KLHL32: variants seen among roughly 807,000 people sequenced by gnomAD.
KLHL32 encodes kelch like family member 32.
Under a neutral mutation model 64.8 loss-of-function variants are expected in KLHL32, and 35 were observed. The ratio of observed to expected loss-of-function variants is 0.54; its 90% CI spans 0.41 to 0.72. The LOEUF (loss-of-function observed/expected upper bound fraction) is 0.72. Ranked by LOEUF, KLHL32 falls within the 30% of genes least tolerant of loss-of-function variation. KLHL32 has a pLI of 0.00. For synonymous variants in KLHL32, 259 were observed against 281.0 expected (o/e 0.92, Z 0.78); for missense variants, 589 against 768.5 (o/e 0.77, Z 2.76).
chr6:97,121,393 T>G (rs1293449063), intron 7 of KLHL32, among the ~76,000 whole-genome samples: 2 of 152,204 alleles, frequency 1.3e-5, no homozygotes, highest in Non-Finnish European at 2.9e-5. Flanking sequence ...GGGATTTGTT[T>G]AGAATCAACA....
At chr6:97,015,096 G>T (rs1780974041) in intron 3 of KLHL32, among the ~76,000 whole-genome samples, 1 of 152,060 alleles carries the variant, frequency 6.6e-6, no homozygotes, top group African/African-American at 2.4e-5. Flanking sequence ...GTCCTTGCTT[G>T]CCCCTTGCCT....
intron 3 of KLHL32, among the ~76,000 whole-genome samples, chr6:97,022,490 A>G (rs1054771658): frequency 7.2e-6 from 1 of 139,274 alleles, no homozygotes; most frequent in East Asian, 2.0e-4. Context: ...TTTTTTTGAG[A>G]TGGAGTTTCA....
chr6:97,022,615 G>T (rs554145185), intron 3 of KLHL32, among the ~76,000 whole-genome samples: 1 of 150,038 alleles, frequency 6.7e-6, no homozygotes, highest in South Asian at 2.1e-4. Flanking sequence ...GATTACAGGC[G>T]CCTGCCACCA....
At chr6:96,979,742 G>A (rs1246966109) in intron 3 of KLHL32, among the ~76,000 whole-genome samples, 2 of 152,070 alleles carry the variant, frequency 1.3e-5, no homozygotes, top group Non-Finnish European at 2.9e-5. Context: ...TGTGTACATT[G>A]CTTTAGGCAG....
intron 2 of KLHL32, among the ~76,000 whole-genome samples, chr6:96,969,558 C>G (rs897181182): frequency 6.6e-6 from 1 of 152,160 alleles, no homozygotes; most frequent in African/African-American, 2.4e-5. Context: ...CTAGTGGAGA[C>G]TAGTTCCACA....
chr6:97,126,697 C>G (rs1052243582), intron 7 of KLHL32, among the ~76,000 whole-genome samples: 2 of 152,026 alleles, frequency 1.3e-5, no homozygotes, highest in African/African-American at 4.8e-5. Flanking sequence ...GTCAAATATA[C>G]ACTGGCTTTT....
chr6:97,107,057 C>G (rs775279787), intron 6 of KLHL32, among the ~76,000 whole-genome samples: 5 of 152,060 alleles, frequency 3.3e-5, no homozygotes, highest in Non-Finnish European at 7.4e-5. Context: ...CTTTGGGAGG[C>G]GAAGGCGGGC....
chr6:96,970,590 T>C (rs1238605486), intron 2 of KLHL32, among the ~76,000 whole-genome samples: 6 of 152,216 alleles, frequency 3.9e-5, no homozygotes, highest in Non-Finnish European at 8.8e-5. Context: ...CTACCACATA[T>C]GGTTTGCTCA....
rs189317876 is a variant in KLHL32, at chr6:97,048,634, T to C, written c.312+7035T>C. On this transcript the variant is annotated intron_variant, in intron 4 of 10. Transcript: ENST00000369261. ...TATATAGCCCTGATAATGCAAACAC[T>C]GTGCATTACATTTTGATGATCATTG... Among the ~76,000 whole-genome samples the C allele has an allele frequency of 2.0e-5, 3 of 152,298 alleles. No homozygotes were observed. The East Asian group carries it at 5.8e-4, about 29-fold the overall frequency.
At chr6:96,932,308 C>G (rs1286528511) in intron 1 of KLHL32, among the ~76,000 whole-genome samples, 2 of 150,190 alleles carry the variant, frequency 1.3e-5, no homozygotes, top group Non-Finnish European at 3.0e-5. Flanking sequence ...TTAATTTTGC[C>G]ATAGCTTATC....
intron 1 of KLHL32, among the ~76,000 whole-genome samples, chr6:96,950,800 T>A (rs1385860993): frequency 1.3e-5 from 2 of 152,216 alleles, no homozygotes; most frequent in Non-Finnish European, 2.9e-5. Flanking sequence ...CCATAGACAT[T>A]GATATTAGTA....
the KLHL32 span, among the ~76,000 whole-genome samples, chr6:96,906,017 C>G: frequency 6.6e-6 from 1 of 152,118 alleles, no homozygotes. Context: ...TTCTGGTAGT[C>G]CCACCTTTTG....
At chr6:97,127,883 T>A (rs1228457563) in intron 8 of KLHL32, among the ~76,000 whole-genome samples, 1 of 152,182 alleles carries the variant, frequency 6.6e-6, no homozygotes, top group Non-Finnish European at 1.5e-5. Flanking sequence ...ATCTGAGAGA[T>A]GAGAAGTATC....
chr6:97,069,401 T>C (rs1790342770), intron 5 of KLHL32, among the ~76,000 whole-genome samples: 1 of 83,508 alleles, frequency 1.2e-5, no homozygotes, highest in African/African-American at 7.4e-5. Flanking sequence ...ATTTTGTTCC[T>C]TTTTTTTTTT....
intron 3 of KLHL32, among the ~76,000 whole-genome samples, chr6:96,996,587 G>C (rs1027557311): frequency 6.6e-6 from 1 of 152,156 alleles, no homozygotes; most frequent in Admixed American, 6.5e-5. Context: ...GCAGGAGTTA[G>C]AAACAAGTGA....
intron 6 of KLHL32, among the ~76,000 whole-genome samples, chr6:97,098,904 GTCAA>G (rs1220430282): frequency 6.6e-6 from 1 of 152,194 alleles, no homozygotes; most frequent in East Asian, 1.9e-4. Flanking sequence ...CATCAGTCAA[GTCAA>G]TCAATAGTTT....
At chr6:97,079,732 A>G (rs1792191493) in intron 5 of KLHL32, among the ~76,000 whole-genome samples, 1 of 152,240 alleles carries the variant, frequency 6.6e-6, no homozygotes, top group South Asian at 2.1e-4. Flanking sequence ...GAGAAGCCAA[A>G]TAGCCCTAAA....
chr6:97,027,030 C>T (rs1782810835), intron 3 of KLHL32, among the ~76,000 whole-genome samples: 1 of 151,802 alleles, frequency 6.6e-6, no homozygotes, highest in South Asian at 2.1e-4. Context: ...GGCGTGGTGG[C>T]GTGCACCTGT....
chr6:97,113,855 G>A lies in KLHL32; in HGVS notation c.700G>A (p.Gly234Ser). Residue 234 changes from glycine (G) to serine (S), a missense_variant, in exon 7 of 11, where the codon GGC (glycine) becomes AGC (serine). Around this residue, in one of 3 missense-constraint regions of KLHL32, gnomAD observed 226 missense variants for 353.2 expected, o/e 0.64. Transcript: ENST00000369261. ...CGAGCTCCTGCAATACATCCGCTTT[G>A]GCCTAATGGATGTGGATACTCTCCA... ...MDELLQYIRF[G>S]LMDVDTLHTV... The A allele has an allele frequency of 6.2e-7, 1 of 1,614,010 alleles. No individual in the cohort carries two copies. Among genetic ancestry groups the A allele is most frequent in the Non-Finnish European group, 8.5e-7 (1 of 1,180,014 alleles).
Sources: gnomAD v4.1 joint callset for allele counts (sites outside exome capture counted in the v4.1 genomes callset) on GRCh38, gnomAD v4.1.1 for gene constraint, gnomAD v4.1.1 regional missense constraint, MANE v1.5 for transcripts, NCBI Gene and HGNC (gene_info 2026-07-23, HGNC 2026-07-21) for gene names.